The following CALN1 variants were observed in gnomAD, a reference collection of about 807,000 sequenced individuals.
CALN1 encodes the protein calneuron 1.
CALN1 carries 17 observed loss-of-function variants against 30.6 expected under a neutral mutation model. The observed-to-expected ratio is 0.56, with a 90% confidence interval of 0.38 to 0.83. CALN1 has a LOEUF of 0.83. Ranked by LOEUF, CALN1 falls within the 40% of genes least tolerant of loss-of-function variation. The pLI is 0.00. For missense variants in CALN1, 291 were observed against 354.9 expected (o/e 0.82, Z 1.45); for synonymous variants, 156 against 131.4 (o/e 1.19, Z -1.28).
Position 72,007,354 on chromosome 7 carries a change from T to C in CALN1, c.501+16303A>G, listed in dbSNP as rs534558754. 2.0e-5 allele frequency among the ~76,000 whole-genome samples: 3 copies of C among 152,310 alleles called. No homozygotes were observed. The East Asian group carries it at 5.8e-4, about 29-fold the overall frequency. On this transcript the variant is annotated intron_variant, in intron 5 of 6. Coordinates refer to ENST00000395275, the MANE Select transcript of CALN1 (RefSeq NM_031468.4). ...TGAGGTTAGGAGTTCAAGGCTAGCCTGGCAAACATGGAGAAACCCTGTCTC... is the reference window on the plus strand; with the variant it reads ...TGAGGTTAGGAGTTCAAGGCTAGCCCGGCAAACATGGAGAAACCCTGTCTC...
At chr7:72,454,652 G>A in the CALN1 span, among the ~76,000 whole-genome samples, 571 of 152,230 alleles carry the variant, frequency 3.8e-3, 3 homozygotes, top group African/African-American at 0.013. Context: ...AATGTGGGGA[G>A]AGGAAGAAAA....
chr7:72,487,894 G>GA, the CALN1 span, among the ~76,000 whole-genome samples: 86 of 55,708 alleles, frequency 1.5e-3, no homozygotes, highest in Admixed American at 6.9e-3. Flanking sequence ...GAAAAGAAAA[G>GA]AAAGAAAGAA....
At chr7:72,455,437 T>C in the CALN1 span, among the ~76,000 whole-genome samples, 3 of 151,698 alleles carry the variant, frequency 2.0e-5, no homozygotes, top group East Asian at 5.8e-4. Flanking sequence ...TTTCTCTCAA[T>C]GAATCCCCTA....
intron 4 of CALN1, among the ~76,000 whole-genome samples, chr7:72,091,212 A>T (rs1052978979): frequency 1.8e-4 from 28 of 152,116 alleles, no homozygotes; most frequent in African/African-American, 6.5e-4. Context: ...CACACCTGTA[A>T]TCCTAGCTAC....
At chr7:72,167,415 G>C (rs1435175164) in intron 3 of CALN1, among the ~76,000 whole-genome samples, 2 of 152,276 alleles carry the variant, frequency 1.3e-5, no homozygotes, top group Non-Finnish European at 2.9e-5. Context: ...TGCGATCTAG[G>C]CTCACTACAA....
At chr7:72,164,110 G>C (rs1030068930) in intron 3 of CALN1, among the ~76,000 whole-genome samples, 1 of 152,180 alleles carries the variant, frequency 6.6e-6, no homozygotes, top group Non-Finnish European at 1.5e-5. Flanking sequence ...GCTCACGCCT[G>C]TAATCCCAGC....
At chr7:72,311,573 C>T (rs538163702) in intron 2 of CALN1, among the ~76,000 whole-genome samples, 14 of 151,938 alleles carry the variant, frequency 9.2e-5, no homozygotes, top group South Asian at 4.2e-4. Context: ...TCAACCTCCC[C>T]GGCTCGAGCA....
intron 1 of CALN1, among the ~76,000 whole-genome samples, chr7:72,429,975 A>G: frequency 6.6e-6 from 1 of 150,538 alleles, no homozygotes; most frequent in South Asian, 2.1e-4. Context: ...ACCTGCCACC[A>G]TGCCCAGCTA....
At chr7:72,402,862 C>T (rs757693041) in intron 2 of CALN1, among the ~76,000 whole-genome samples, 2 of 152,120 alleles carry the variant, frequency 1.3e-5, no homozygotes, top group Non-Finnish European at 2.9e-5. Context: ...TTACTTTCCT[C>T]CTGTCGAAAC....
At chr7:72,045,856 T>C (rs1482543143) in intron 4 of CALN1, among the ~76,000 whole-genome samples, 1 of 151,646 alleles carries the variant, frequency 6.6e-6, no homozygotes, top group Non-Finnish European at 1.5e-5. Flanking sequence ...AAAAATTAGC[T>C]GGGTGTGGTG....
rs184434032 is a variant in CALN1 at position 72,006,427 on chromosome 7, G to A, written c.501+17230C>T. On this transcript the variant is annotated intron_variant, in intron 5 of 6. Transcript: ENST00000395275. Reference sequence around the variant, plus strand: ...GCTTAAAAGCAAAAAGAATAATATGGGGCCACTGAACTGTGAACAAGCAAC... The same window carrying A: ...GCTTAAAAGCAAAAAGAATAATATGAGGCCACTGAACTGTGAACAAGCAAC... Among the ~76,000 whole-genome samples the A allele has an allele frequency of 3.6e-3, 553 of 152,170 alleles. 3 individuals are homozygous for A. The highest frequency in any genetic ancestry group is 0.013 in the Admixed American group (192 of 15,290).
rs868410406 is a variant in CALN1, at chr7:72,044,599, C to T, written c.389-20830G>A. 5.1e-3 allele frequency among the ~76,000 whole-genome samples: 490 copies of T among 96,684 alleles called. 4 individuals carry two copies. Among genetic ancestry groups the T allele is most frequent in the African/African-American group, 0.019 (455 of 24,464 alleles). 63.4% of individuals were successfully genotyped at this position (96,684 alleles called of 152,430 possible). On this transcript the variant is annotated intron_variant, in intron 4 of 6. Transcript: ENST00000395275. Reference sequence around the variant, plus strand: ...TTCAGAGAATAATTTCCGCTTAAAACTTTTTTTTTTTTTTTTTTTTTTTTT... The same window carrying T: ...TTCAGAGAATAATTTCCGCTTAAAATTTTTTTTTTTTTTTTTTTTTTTTTT...
At chr7:72,030,845 G>T (rs1481829730) in intron 4 of CALN1, among the ~76,000 whole-genome samples, 1 of 151,860 alleles carries the variant, frequency 6.6e-6, no homozygotes, top group African/African-American at 2.4e-5. Context: ...CTCCTCGGCT[G>T]AAGGGATCCT....
At chr7:71,926,463 C>G (rs1023485723) in intron 5 of CALN1, among the ~76,000 whole-genome samples, 6 of 152,308 alleles carry the variant, frequency 3.9e-5, no homozygotes, top group Non-Finnish European at 7.3e-5. Flanking sequence ...AAACCCTATC[C>G]ATGCTTGTTC....
intron 2 of CALN1, among the ~76,000 whole-genome samples, chr7:72,351,502 C>A (rs1409144637): frequency 2.0e-5 from 3 of 152,120 alleles, no homozygotes; most frequent in Non-Finnish European, 2.9e-5. Flanking sequence ...TTACCCAATG[C>A]ATTTATGGGA....
At chr7:72,224,745 C>A (rs1398873253) in intron 3 of CALN1, among the ~76,000 whole-genome samples, 2 of 151,174 alleles carry the variant, frequency 1.3e-5, no homozygotes, top group Non-Finnish European at 2.9e-5. Flanking sequence ...TGCGCCACTG[C>A]ACTCCAGCCT....
At chr7:71,804,588 G>A (rs1006794547) in intron 6 of CALN1, among the ~76,000 whole-genome samples, 1 of 152,234 alleles carries the variant, frequency 6.6e-6, no homozygotes, top group African/African-American at 2.4e-5. Context: ...GGAGGCCAGG[G>A]TGGGAGGATC....
At chr7:72,407,943 G>A (rs913365187) in intron 1 of CALN1, among the ~76,000 whole-genome samples, 6 of 152,064 alleles carry the variant, frequency 3.9e-5, no homozygotes, top group African/African-American at 9.7e-5. Flanking sequence ...TCAGTCTGGA[G>A]GATCAGCTTG....
chr7:72,206,982 A>G (rs758290178), intron 3 of CALN1, among the ~76,000 whole-genome samples: 16 of 152,214 alleles, frequency 1.1e-4, no homozygotes, highest in Non-Finnish European at 2.1e-4. Context: ...TCTGTCACTG[A>G]GCTCCTCTAT....
Sources: allele counts gnomAD v4.1 joint callset (sites outside exome capture counted in the v4.1 genomes callset), GRCh38; gene constraint gnomAD v4.1.1; transcripts MANE v1.5; gene names NCBI Gene and HGNC (gene_info 2026-07-23, HGNC 2026-07-21).